Variants in TIAM1 observed in about 807,000 individuals in gnomAD.
TIAM1 encodes the protein rho guanine nucleotide exchange factor TIAM1.
Under a neutral mutation model 163.5 loss-of-function variants are expected in TIAM1, and 65 were observed. The observed-to-expected ratio is 0.40, with a 90% CI of 0.33 to 0.49. The LOEUF (loss-of-function observed/expected upper bound fraction) is 0.49, where lower values mean the gene tolerates loss of function less well. TIAM1 is among the 20% of genes least tolerant of loss of function. TIAM1 has a pLI of 0.77. For missense variants in TIAM1, 1,789 were observed against 2,044.7 expected (o/e 0.87, Z 2.41); for synonymous variants, 833 against 810.1 (o/e 1.03, Z -0.48).
chr21:31,213,606 C>A, intron 9 of TIAM1, 134 bp from the exon 10 acceptor site: 1 of 723,856 alleles, frequency 1.4e-6, no homozygotes, highest in East Asian at 2.7e-5. Flanking sequence ...CATCAAATCC[C>A]AAAGCAGGTA....
At chr21:31,329,461 G>C (rs28432335) in intron 2 of TIAM1, among the ~76,000 whole-genome samples, 36,287 of 152,146 alleles carry the variant, frequency 0.24, 5,515 homozygotes, top group African/African-American at 0.41. Context: ...CAGGATTTGA[G>C]CATTTCTGGT....
chr21:31,557,252 G>A (rs796140655), intron 1 of TIAM1, among the ~76,000 whole-genome samples: 3 of 152,320 alleles, frequency 2.0e-5, no homozygotes, highest in African/African-American at 7.2e-5. Flanking sequence ...GAGAACAGCA[G>A]TCCTTCATGC....
chr21:31,516,072 C>T (rs1379446371), intron 1 of TIAM1, among the ~76,000 whole-genome samples: 1 of 145,076 alleles, frequency 6.9e-6, no homozygotes, highest in African/African-American at 2.6e-5. Context: ...GGCGTCACCA[C>T]ACTCCGGCAT....
At chr21:31,228,134 A>G (rs1291881283) in intron 6 of TIAM1, among the ~76,000 whole-genome samples, 1 of 140,734 alleles carries the variant, frequency 7.1e-6, no homozygotes, top group Non-Finnish European at 1.5e-5. Context: ...GATGGTCTCA[A>G]TCTCTTGACC....
chr21:31,267,334 C>T (rs972572914), intron 3 of TIAM1, among the ~76,000 whole-genome samples: 4 of 152,172 alleles, frequency 2.6e-5, no homozygotes, highest in African/African-American at 9.7e-5. Context: ...CCTTGTCTTC[C>T]TTACTAAACA....
intron 2 of TIAM1, among the ~76,000 whole-genome samples, chr21:31,354,466 C>T (rs79939351): frequency 3.9e-5 from 6 of 152,076 alleles, no homozygotes; most frequent in Non-Finnish European, 8.8e-5. Flanking sequence ...AGGACCCCCC[C>T]TCCACACCCC....
chr21:31,313,088 G>A (rs1484144615), intron 2 of TIAM1, among the ~76,000 whole-genome samples: 1 of 152,184 alleles, frequency 6.6e-6, no homozygotes, highest in Non-Finnish European at 1.5e-5. Flanking sequence ...TATTTAATAA[G>A]ATACGACAAG....
At chr21:31,527,922 C>T (rs1362197915) in intron 1 of TIAM1, among the ~76,000 whole-genome samples, 1 of 152,186 alleles carries the variant, frequency 6.6e-6, no homozygotes, top group Non-Finnish European at 1.5e-5. Context: ...TCTCCCTACA[C>T]AAACAGGAAC....
chr21:31,311,553 A>G (rs1026871161), intron 2 of TIAM1, among the ~76,000 whole-genome samples: 6 of 152,162 alleles, frequency 3.9e-5, no homozygotes, highest in African/African-American at 1.4e-4. Flanking sequence ...GGAATGTATC[A>G]AGTGTGTGAT....
At chr21:31,405,459 C>A (rs897079811) in intron 2 of TIAM1, among the ~76,000 whole-genome samples, 1 of 152,072 alleles carries the variant, frequency 6.6e-6, no homozygotes, top group Admixed American at 6.6e-5. Context: ...CCTTCCCGAG[C>A]CCACTTCCCC....
intron 6 of TIAM1, among the ~76,000 whole-genome samples, chr21:31,235,314 G>A (rs937486981): frequency 6.6e-6 from 1 of 152,088 alleles, no homozygotes; most frequent in Non-Finnish European, 1.5e-5. Context: ...AATTATTACA[G>A]AAAAGAAATA....
intron 12 of TIAM1, among the ~76,000 whole-genome samples, chr21:31,198,121 G>A (rs1275442303): frequency 6.6e-6 from 1 of 152,194 alleles, no homozygotes. Flanking sequence ...AAACGTGGCC[G>A]TTAGCACTAA....
At chr21:31,131,402 C>T (rs2082408784) in intron 23 of TIAM1, among the ~76,000 whole-genome samples, 1 of 152,142 alleles carries the variant, frequency 6.6e-6, no homozygotes, top group African/African-American at 2.4e-5. Flanking sequence ...GGAAATATAA[C>T]TCATCTTTTG....
chr21:31,266,593 G>C lies in TIAM1; in HGVS notation c.380C>G (p.Pro127Arg). The C allele has an allele frequency of 6.2e-7, 1 of 1,614,214 alleles. No individual in the cohort carries two copies. Among genetic ancestry groups the C allele is most frequent in the Non-Finnish European group, 8.5e-7 (1 of 1,180,048 alleles). Residue 127 changes from proline to arginine, a missense_variant, in exon 4 of 28, where the codon CCA (proline) becomes CGA (arginine). By Grantham distance (103) the Pro-to-Arg change is moderately radical (BLOSUM62 -2). Transcript: ENST00000541036. ...GTAAAGCCTGCTCTCCTCAGTGTCT[G>C]GCATGCTCTGCACAGAGGCTGCTGT... is the stretch of plus-strand genomic sequence containing the variant. ...VLTAASVQSM[P>R]DTEESRLYGD... is the part of the protein sequence containing the mutation.
intron 6 of TIAM1, among the ~76,000 whole-genome samples, chr21:31,244,339 C>T (rs2071380874): frequency 6.6e-6 from 1 of 152,136 alleles, no homozygotes; most frequent in Non-Finnish European, 1.5e-5. Context: ...CCATTTATAC[C>T]TGCTCTTCCT....
intron 3 of TIAM1, among the ~76,000 whole-genome samples, chr21:31,267,665 C>T (rs899337187): frequency 4.0e-5 from 6 of 150,602 alleles, no homozygotes; most frequent in African/African-American, 1.5e-4. Context: ...TTTAATGTCA[C>T]AGCCTTCTGA....
chr21:31,251,966 G>A lies in TIAM1; in HGVS notation c.1187C>T (p.Thr396Ile). The stretch of plus-strand genomic sequence containing the variant: ...GGCCTCCTCCAGGCTCTCGCTGTTG[G>A]TGGTGCTCATCTCCAGCTCCCGCCG... ...NFRRELEMST[T>I]NSESLEEAGS... Residue 396 changes from threonine to isoleucine, a missense_variant, in exon 5 of 28, where the codon ACC (threonine) becomes ATC (isoleucine). Thr to Ile is a moderately conservative substitution (Grantham distance 89). Around this residue, in one of 5 missense-constraint regions of TIAM1, gnomAD observed 555 missense variants for 564.9 expected, o/e 0.98. Transcript: ENST00000541036. 1 of 1,613,972 alleles carries A rather than the reference G, an allele frequency of 6.2e-7. No individual in the cohort carries two copies. The highest frequency in any genetic ancestry group is 8.5e-7 in the Non-Finnish European group (1 of 1,179,940).
intron 2 of TIAM1, among the ~76,000 whole-genome samples, chr21:31,335,895 T>C (rs138834556): frequency 1.9e-3 from 287 of 152,154 alleles, no homozygotes; most frequent in African/African-American, 6.8e-3. Context: ...AATAGAGTGA[T>C]TTTAGTCAAG....
chr21:31,164,139 C>G (rs1459277307), intron 16 of TIAM1, among the ~76,000 whole-genome samples: 1 of 152,166 alleles, frequency 6.6e-6, no homozygotes, highest in African/African-American at 2.4e-5. Flanking sequence ...GCCTGTAATC[C>G]CAGCACTTTG....
Sources: allele counts gnomAD v4.1 joint callset (sites outside exome capture counted in the v4.1 genomes callset), GRCh38; gene constraint gnomAD v4.1.1; regional missense constraint gnomAD v4.1.1; transcripts MANE v1.5; gene names NCBI Gene and HGNC (gene_info 2026-07-23, HGNC 2026-07-21).